Variants in GRM4 observed in about 807,000 individuals in gnomAD.
GRM4 encodes the protein glutamate metabotropic receptor 4.
GRM4 carries 28 observed loss-of-function variants against 81.7 expected under a neutral mutation model. The observed-to-expected ratio is 0.34, with a 90% CI of 0.25 to 0.47. The LOEUF is 0.47. Ranked by LOEUF, GRM4 falls within the 20% of genes least tolerant of loss-of-function variation. GRM4 has a pLI of 1.00. For synonymous variants in GRM4, 488 were observed against 528.8 expected, an observed-to-expected ratio of 0.92 and a Z score of 1.06; for missense variants, 948 against 1,290.0, an observed-to-expected ratio of 0.73 and a Z score of 4.06.
rs184078243 is a variant in GRM4 at position 34,123,680 on chromosome 6, A to G, written c.519+9298T>C. ...TGCTGTGCACGCATTTCATCCTCACAGCACCTATGAAGTGGGTGCTGCAGG... is the reference window on the plus strand; with the variant it reads ...TGCTGTGCACGCATTTCATCCTCACGGCACCTATGAAGTGGGTGCTGCAGG... On this transcript the variant is annotated intron_variant, in intron 2 of 10. Coordinates refer to ENST00000538487, the MANE Select transcript of GRM4 (RefSeq NM_000841.4). Among the ~76,000 whole-genome samples, 416 of 152,328 alleles carry G rather than the reference A, an allele frequency of 2.7e-3. 4 individuals carry two copies. The highest frequency in any genetic ancestry group is 0.013 in the South Asian group (64 of 4,832).
rs200593201 is a variant in GRM4, at chr6:34,040,626, G to A, written c.1291C>T (p.Arg431Cys). The stretch of plus-strand genomic sequence containing the variant: ...TCCATGCGCGGGCAGAGCCCCACGC[G>A]GCCGGGACACAGGTCACGGTGCATG... Reference protein sequence around the residue: ...HAMHRDLCPGRVGLCPRMDPV... With the variant: ...HAMHRDLCPGCVGLCPRMDPV... The change falls in exon 7 of 11, where the codon CGC (arginine) becomes TGC (cysteine). Residue 431 changes from arginine to cysteine, a missense_variant. By Grantham distance (180) the Arg-to-Cys change is radical. Coordinates refer to ENST00000538487, the MANE Select transcript of GRM4 (RefSeq NM_000841.4). 17 of 1,614,044 alleles carry A rather than the reference G, an allele frequency of 1.1e-5. No homozygotes were observed. In the East Asian group the frequency reaches 1.6e-4, roughly 15 times the overall value.
chr6:34,088,505 A>C (rs1171969836), intron 3 of GRM4, among the ~76,000 whole-genome samples: 1 of 152,132 alleles, frequency 6.6e-6, no homozygotes, highest in African/African-American at 2.4e-5. Context: ...TTTTCCCAAG[A>C]CCGCACAGCC....
At chr6:34,145,917 T>G in intron 1 of GRM4, 83 bp downstream of exon 1, 1 of 806,130 alleles carries the variant, frequency 1.2e-6, no homozygotes, top group Non-Finnish European at 1.5e-6. Context: ...TGCTGGCAGC[T>G]CCCCCTTCCA....
At chr6:34,144,775 C>A (rs1770853757) in intron 1 of GRM4, among the ~76,000 whole-genome samples, 1 of 152,228 alleles carries the variant, frequency 6.6e-6, no homozygotes, top group East Asian at 1.9e-4. Flanking sequence ...CTGGCACGAC[C>A]CTCCATCCGG....
At position 34,047,657 on chromosome 6, in the gene GRM4, C is replaced by T. The variant is rs573956450; in HGVS notation, c.1169-6909G>A. On this transcript the variant is annotated intron_variant, in intron 6 of 10. Coordinates refer to ENST00000538487, the MANE Select transcript of GRM4 (RefSeq NM_000841.4). The surrounding 1 kb of genome is among the most constrained non-coding windows in gnomAD (Gnocchi z 4.5). ...CTCCTCCATCCCTAGCTCTGTCCCCCACAACTCAGCCTTGGCCCAACACCA... is the reference window on the plus strand; with the variant it reads ...CTCCTCCATCCCTAGCTCTGTCCCCTACAACTCAGCCTTGGCCCAACACCA... Among the ~76,000 whole-genome samples, 6 of 152,298 alleles carry T rather than the reference C, an allele frequency of 3.9e-5. No homozygotes were observed. Among genetic ancestry groups the T allele is most frequent in the African/African-American group, 1.4e-4 (6 of 41,562 alleles).
At chr6:34,046,013 G>A (rs1276519409) in intron 6 of GRM4, among the ~76,000 whole-genome samples, 1 of 152,204 alleles carries the variant, frequency 6.6e-6, no homozygotes, top group Non-Finnish European at 1.5e-5. Flanking sequence ...TTTGTCTGCA[G>A]GTTGTAAATT....
In GRM4 at chr6:34,021,300, C is replaced by T. The variant is rs1581572182; in HGVS notation, c.*1521G>A. 2.0e-5 allele frequency: 3 copies of T among 152,532 alleles called. No individual in the cohort carries two copies. Among genetic ancestry groups the T allele is most frequent in the Admixed American group, 6.5e-5 (1 of 15,308 alleles). The allele number at this position is 152,532 out of a possible 1,614,324, so 9.4% of individuals were successfully genotyped here. A position where few individuals can be genotyped will look rare whatever the true frequency, so the allele number is the denominator to read the frequency against. On this transcript the variant is annotated 3_prime_UTR_variant, in exon 11 of 11. Coordinates refer to ENST00000538487, the MANE Select transcript of GRM4 (RefSeq NM_000841.4). The surrounding 1 kb of genome is among the most constrained non-coding windows in gnomAD (Gnocchi z 5.3). The stretch of plus-strand genomic sequence containing the variant: ...CACAGCCACACGGCCATGCCTGTGC[C>T]GTGCACTTGTGGGCCCACGTGGACA...
At chr6:34,098,028 C>T (rs1768627539) in intron 2 of GRM4, among the ~76,000 whole-genome samples, 1 of 152,212 alleles carries the variant, frequency 6.6e-6, no homozygotes, top group Non-Finnish European at 1.5e-5. Flanking sequence ...CTGCCCAGGG[C>T]TGTGTGACCC....
Position 34,035,660 on chromosome 6 carries a change from C to T in GRM4, c.2442+8G>A, listed in dbSNP as rs769012592. Reference sequence around the variant, plus strand: ...ACCCACCGTCCACCCCCGGCCCCCACCACTCACCTTGTCGGCCGACTGCGA... The same window carrying T: ...ACCCACCGTCCACCCCCGGCCCCCATCACTCACCTTGTCGGCCGACTGCGA... On this transcript the variant is annotated splice_region_variant and intron_variant, in intron 9 of 10. Coordinates refer to ENST00000538487, the MANE Select transcript of GRM4 (RefSeq NM_000841.4). This position sits in a 1 kb window ranked among gnomAD's most constrained non-coding sequence, Gnocchi z 6.6. 2.6e-6 allele frequency: 4 copies of T among 1,540,158 alleles called. No individual in the cohort carries two copies. Among genetic ancestry groups the T allele is most frequent in the Non-Finnish European group, 3.5e-6 (4 of 1,130,400 alleles).
chr6:34,094,786 T>C (rs1768421395), intron 2 of GRM4, among the ~76,000 whole-genome samples: 1 of 152,156 alleles, frequency 6.6e-6, no homozygotes, highest in Non-Finnish European at 1.5e-5. Flanking sequence ...CAGTCCTTGA[T>C]TCCCGGCAGG....
rs1767423989 is a variant in GRM4, at chr6:34,078,377, G to C, written c.736+13506C>G. On this transcript the variant is annotated intron_variant, in intron 3 of 10. Coordinates refer to ENST00000538487, the MANE Select transcript of GRM4 (RefSeq NM_000841.4). The surrounding 1 kb of genome is among the most constrained non-coding windows in gnomAD (Gnocchi z 4.8). The stretch of plus-strand genomic sequence containing the variant: ...AACCTTTCTACGTGTTGTCTCCTGA[G>C]CTCCTTCCAGTCCACCCAGGTCCTA... Among the ~76,000 whole-genome samples, 1 of 152,002 alleles carries C rather than the reference G, an allele frequency of 6.6e-6. No homozygotes were observed. Among genetic ancestry groups the C allele is most frequent in the Admixed American group, 6.5e-5 (1 of 15,270 alleles).
rs970635971 is a variant in GRM4 at position 34,035,201 on chromosome 6, C to T, written c.2442+467G>A. Among the ~76,000 whole-genome samples, 1 of 150,182 alleles carries T rather than the reference C, an allele frequency of 6.7e-6. No individual in the cohort carries two copies. Among genetic ancestry groups the T allele is most frequent in the African/African-American group, 2.5e-5 (1 of 40,662 alleles). On this transcript the variant is annotated intron_variant, in intron 9 of 10. Coordinates refer to ENST00000538487, the MANE Select transcript of GRM4 (RefSeq NM_000841.4). This position sits in a 1 kb window ranked among gnomAD's most constrained non-coding sequence, Gnocchi z 6.6. ...AAAGAATGAAGAGTGAAGGAGGGTA[C>T]AGCGCTCCAGGCTTATGGAGGGGGG...
At chr6:34,137,022 T>C (rs1282199746) in intron 1 of GRM4, among the ~76,000 whole-genome samples, 1 of 152,154 alleles carries the variant, frequency 6.6e-6, no homozygotes, top group African/African-American at 2.4e-5. Flanking sequence ...TGGGGGCACA[T>C]AGAAGGGGTC....
In GRM4 at chr6:34,114,254, C is replaced by T. The variant is rs553922594; in HGVS notation, c.519+18724G>A. On this transcript the variant is annotated intron_variant, in intron 2 of 10. Coordinates refer to ENST00000538487, the MANE Select transcript of GRM4 (RefSeq NM_000841.4). The surrounding 1 kb of genome is among the most constrained non-coding windows in gnomAD (Gnocchi z 4.3). ...AAGGTCAGCTCCATGTGGGCAAGGA[C>T]GGTATGCATTTGGCTCACTCTGCTG... Among the ~76,000 whole-genome samples the T allele has an allele frequency of 3.2e-4, 48 of 152,332 alleles. No individual in the cohort carries two copies. The highest frequency in any genetic ancestry group is 1.2e-3 in the Admixed American group (18 of 15,300).
In GRM4 at chr6:34,048,309, C is replaced by T. The variant is rs1437272475; in HGVS notation, c.1169-7561G>A. Among the ~76,000 whole-genome samples, 2 of 152,160 alleles carry T rather than the reference C, an allele frequency of 1.3e-5. No homozygotes were observed. The highest frequency in any genetic ancestry group is 2.9e-5 in the Non-Finnish European group (2 of 68,028). Reference sequence around the variant, plus strand: ...CCCCTCGTCTGTGAAGTAAAGCTGGCACCTGGGACTAGGCAAGGAGAGTCA... The same window carrying T: ...CCCCTCGTCTGTGAAGTAAAGCTGGTACCTGGGACTAGGCAAGGAGAGTCA... On this transcript the variant is annotated intron_variant, in intron 6 of 10. Transcript: ENST00000538487. The surrounding 1 kb of genome is among the most constrained non-coding windows in gnomAD (Gnocchi z 4.0).
intron 3 of GRM4, among the ~76,000 whole-genome samples, chr6:34,086,411 A>G (rs1767891931): frequency 6.6e-6 from 1 of 152,164 alleles, no homozygotes; most frequent in African/African-American, 2.4e-5. Context: ...TGGAATATCA[A>G]TGGAGGGCAC....
chr6:34,046,438 C>G (rs1462548596), intron 6 of GRM4, among the ~76,000 whole-genome samples: 1 of 152,126 alleles, frequency 6.6e-6, no homozygotes. Context: ...GAGTTGAGAG[C>G]AAGGGTTTTA....
At chr6:34,045,583 C>T (rs938245080) in intron 6 of GRM4, among the ~76,000 whole-genome samples, 3 of 152,216 alleles carry the variant, frequency 2.0e-5, no homozygotes, top group African/African-American at 7.2e-5. Flanking sequence ...TCCATTTAGC[C>T]GCTGACCTGC....
At chr6:34,050,304 CA>C in intron 6 of GRM4, among the ~76,000 whole-genome samples, 1 of 152,270 alleles carries the variant, frequency 6.6e-6, no homozygotes, top group East Asian at 1.9e-4. Flanking sequence ...TTGTCCCCTC[CA>C]AATCTCATGT....
Sources: allele counts gnomAD v4.1 joint callset (sites outside exome capture counted in the v4.1 genomes callset), GRCh38; gene constraint gnomAD v4.1.1; non-coding constraint Gnocchi (gnomAD v3.1); transcripts MANE v1.5; gene names NCBI Gene and HGNC (gene_info 2026-07-23, HGNC 2026-07-21).